TBL1X: variants seen among roughly 807,000 people sequenced by gnomAD.
TBL1X encodes the protein F-box-like/WD repeat-containing protein TBL1X.
In TBL1X, 10 loss-of-function variants were observed where a neutral mutation model predicts 50.7. The observed-to-expected ratio is 0.20, with a 90% CI of 0.12 to 0.33. TBL1X has a LOEUF of 0.33. Among genes scored for constraint, TBL1X ranks in the 10% least tolerant of loss-of-function variants. The probability of loss-of-function intolerance (pLI) is 1.00; values close to 1 mark genes in which losing one functional copy is unlikely to be tolerated. For missense variants in TBL1X, 340 were observed against 504.4 expected (o/e 0.67, Z 3.12); for synonymous variants, 190 against 214.7 (o/e 0.88, Z 1.01).
intron 12 of TBL1X, among the ~76,000 whole-genome samples, chrX:9,700,770 C>T (rs1466506736): frequency 3.6e-5 from 4 of 111,232 alleles, no homozygotes; most frequent in African/African-American, 1.3e-4. Flanking sequence ...CCTTGGTCAC[C>T]GTCGGCAGGA....
At chrX:9,572,078 T>C (rs1240831933) in intron 2 of TBL1X, among the ~76,000 whole-genome samples, 1 of 112,020 alleles carries the variant, frequency 8.9e-6, no homozygotes, top group Non-Finnish European at 1.9e-5. Context: ...AGACAGTGAT[T>C]CCAGGTGGTG....
chrX:9,500,308 A>AG (rs2081994348), intron 1 of TBL1X, among the ~76,000 whole-genome samples: 1 of 105,967 alleles, frequency 9.4e-6, no homozygotes, highest in Admixed American at 1.0e-4. Context: ...CAAGAAAAAA[A>AG]AAGCATCCAG....
chrX:9,490,818 G>A (rs1224040822), intron 1 of TBL1X, among the ~76,000 whole-genome samples: 1 of 111,641 alleles, frequency 9.0e-6, no homozygotes, highest in Non-Finnish European at 1.9e-5. Context: ...CTGTTTATTA[G>A]TAGCTTAATA....
intron 16 of TBL1X, among the ~76,000 whole-genome samples, chrX:9,713,279 C>T (rs778706090): frequency 1.9e-4 from 21 of 111,045 alleles, no homozygotes; most frequent in Non-Finnish European, 4.0e-4. Context: ...CTGAAATCCT[C>T]GCTAGAAATA....
intron 2 of TBL1X, among the ~76,000 whole-genome samples, chrX:9,609,803 C>G (rs1360490691): frequency 3.6e-5 from 4 of 111,859 alleles, no homozygotes; most frequent in African/African-American, 1.3e-4. Flanking sequence ...TTATTTTTCC[C>G]CTTGCATTTC....
chrX:9,473,228 A>G (rs940895875), intron 1 of TBL1X, among the ~76,000 whole-genome samples: 2 of 112,247 alleles, frequency 1.8e-5, no homozygotes, highest in South Asian at 7.3e-4. Context: ...ATCCCTGAAT[A>G]GGAAATTGAC....
intron 2 of TBL1X, among the ~76,000 whole-genome samples, chrX:9,575,363 C>G (rs1032537639): frequency 5.4e-5 from 6 of 111,527 alleles, no homozygotes; most frequent in African/African-American, 1.3e-4. Context: ...CAGTCACTTC[C>G]CATTCTTCCC....
At chrX:9,511,051 C>T (rs762002998) in intron 2 of TBL1X, among the ~76,000 whole-genome samples, 42 of 112,276 alleles carry the variant, frequency 3.7e-4, no homozygotes, top group Non-Finnish European at 4.7e-4. Flanking sequence ...AAGTTGAATA[C>T]GTGCTTGTAA....
intron 1 of TBL1X, among the ~76,000 whole-genome samples, chrX:9,472,643 G>A (rs1285601732): frequency 9.1e-6 from 1 of 110,183 alleles, no homozygotes; most frequent in African/African-American, 3.3e-5. Context: ...AAGAGGCCAG[G>A]TGTGGTGGCT....
intron 2 of TBL1X, among the ~76,000 whole-genome samples, chrX:9,520,752 G>T (rs2082102889): frequency 9.4e-6 from 1 of 105,840 alleles, no homozygotes; most frequent in South Asian, 4.1e-4. Flanking sequence ...AAGCTGGTGT[G>T]GGGGAAGGAT....
intron 1 of TBL1X, among the ~76,000 whole-genome samples, chrX:9,497,765 C>CTCT (rs2081978970): frequency 5.6e-5 from 3 of 53,744 alleles, no homozygotes; most frequent in Non-Finnish European, 1.1e-4. Context: ...TCCCTCCCTC[C>CTCT]CTCCCTCCCT....
intron 2 of TBL1X, chrX:9,636,470 AC>A (rs1275638927): frequency 2.3e-5 from 2 of 88,480 alleles, no homozygotes; most frequent in Admixed American, 1.4e-4. Flanking sequence ...TTTTATTCCA[AC>A]TGAAAACAAA....
chrX:9,603,742 C>T (rs186923853), intron 2 of TBL1X, among the ~76,000 whole-genome samples: 1 of 111,723 alleles, frequency 9.0e-6, no homozygotes, highest in East Asian at 2.8e-4. Context: ...TGTATGGTCT[C>T]CCAGTTCTGG....
chrX:9,674,680 G>GCCCCCCCC (rs57080019), intron 5 of TBL1X, among the ~76,000 whole-genome samples: 1 of 4,007 alleles, frequency 2.5e-4, no homozygotes, highest in African/African-American at 7.2e-4. Context: ...TCCCGCCTCA[G>GCCCCCCCC]CCCCCCCCCC....
intron 5 of TBL1X, among the ~76,000 whole-genome samples, chrX:9,659,068 T>TCC (rs5901409): frequency 2.2e-3 from 245 of 109,431 alleles, no homozygotes; most frequent in Admixed American, 2.9e-3. Flanking sequence ...CAAGAGATCC[T>TCC]CCCCCCCGGC....
chrX:9,561,807 G>A (rs1432324890), intron 2 of TBL1X, among the ~76,000 whole-genome samples: 2 of 111,895 alleles, frequency 1.8e-5, no homozygotes, highest in Non-Finnish European at 3.8e-5. Context: ...AGTTGAATTT[G>A]TTTGAGCATA....
At chrX:9,673,239 TTA>T (rs1399315618) in intron 5 of TBL1X, among the ~76,000 whole-genome samples, 1 of 112,555 alleles carries the variant, frequency 8.9e-6, no homozygotes, top group Admixed American at 9.3e-5. Context: ...TTTTTCCATG[TTA>T]TCTTTCCTAC....
At chrX:9,537,079 A>G (rs2082191960) in intron 2 of TBL1X, among the ~76,000 whole-genome samples, 1 of 111,760 alleles carries the variant, frequency 8.9e-6, no homozygotes, top group Non-Finnish European at 1.9e-5. Flanking sequence ...ATCATTTGGT[A>G]CTTGTTGCCA....
At chrX:9,514,124 A>T (rs2082070001) in intron 2 of TBL1X, among the ~76,000 whole-genome samples, 1 of 111,422 alleles carries the variant, frequency 9.0e-6, no homozygotes, top group African/African-American at 3.3e-5. Flanking sequence ...GTCACCAAAG[A>T]TGCTGCTAAG....
Sources: gnomAD v4.1 joint callset for allele counts (sites outside exome capture counted in the v4.1 genomes callset) on GRCh38, gnomAD v4.1.1 for gene constraint, MANE v1.5 for transcripts, NCBI Gene and HGNC (gene_info 2026-07-23, HGNC 2026-07-21) for gene names.